Variants in MTHFD1L observed in about 807,000 individuals in gnomAD.
MTHFD1L encodes the protein monofunctional C1-tetrahydrofolate synthase, mitochondrial.
Under a neutral mutation model 119.5 loss-of-function variants are expected in MTHFD1L, and 81 were observed. The ratio of observed to expected loss-of-function variants is 0.68; its 90% CI spans 0.57 to 0.82. The LOEUF (loss-of-function observed/expected upper bound fraction) is 0.82, where lower values mean the gene tolerates loss of function less well. Ranked by LOEUF, MTHFD1L falls within the 40% of genes least tolerant of loss-of-function variation. The pLI is 0.00. For missense variants in MTHFD1L, 1,125 were observed against 1,253.4 expected, an observed-to-expected ratio of 0.90 and a Z score of 1.55; for synonymous variants, 430 against 475.2, an observed-to-expected ratio of 0.90 and a Z score of 1.24.
At chr6:151,015,747 T>A in intron 24 of MTHFD1L, 54 bp downstream of exon 24, 3 of 1,574,020 alleles carry the variant, frequency 1.9e-6, no homozygotes, top group Non-Finnish European at 2.6e-6. Context: ...GCATGGGTTG[T>A]CCCATTCTGT....
At chr6:150,959,781 C>T (rs546776568) in intron 17 of MTHFD1L, among the ~76,000 whole-genome samples, 14 of 152,130 alleles carry the variant, frequency 9.2e-5, no homozygotes, top group Non-Finnish European at 1.0e-4. Flanking sequence ...GGAGGTGGCC[C>T]GTAGGCTAGT....
chr6:151,069,282 C>CTCCCTCCCTCTCT (rs1791700003), intron 26 of MTHFD1L, among the ~76,000 whole-genome samples: 12 of 71,340 alleles, frequency 1.7e-4, no homozygotes, highest in Middle Eastern at 9.6e-3. Context: ...TCTCTCTCTC[C>CTCCCTCCCTCTCT]CTCCCTCTCT....
chr6:150,932,480 G>T (rs1419528386), intron 11 of MTHFD1L, among the ~76,000 whole-genome samples: 2 of 151,962 alleles, frequency 1.3e-5, no homozygotes, highest in Admixed American at 1.3e-4. Flanking sequence ...CATAGAAAAA[G>T]AAATTAGAGG....
At chr6:150,898,388 C>T (rs916816383) in intron 7 of MTHFD1L, among the ~76,000 whole-genome samples, 2 of 152,182 alleles carry the variant, frequency 1.3e-5, no homozygotes, top group East Asian at 3.8e-4. Context: ...CACTGCACCT[C>T]AATTCCTCAC....
At chr6:151,072,906 T>TA (rs1333666419) in intron 26 of MTHFD1L, among the ~76,000 whole-genome samples, 2 of 152,204 alleles carry the variant, frequency 1.3e-5, no homozygotes, top group Non-Finnish European at 2.9e-5. Context: ...AACAGGGTCT[T>TA]ACTTTACCCT....
chr6:151,038,455 C>G (rs546801998), intron 26 of MTHFD1L, among the ~76,000 whole-genome samples: 1 of 152,204 alleles, frequency 6.6e-6, no homozygotes, highest in African/African-American at 2.4e-5. Context: ...ATTGGGATAG[C>G]AGGACAGGGT....
At chr6:150,937,071 A>G in intron 12 of MTHFD1L, 131 bp downstream of exon 12, 1 of 1,133,528 alleles carries the variant, frequency 8.8e-7, no homozygotes. Flanking sequence ...CTGCACACTC[A>G]GTACATAGTG....
intron 26 of MTHFD1L, among the ~76,000 whole-genome samples, chr6:151,065,423 A>C (rs1291494169): frequency 1.3e-5 from 2 of 152,208 alleles, no homozygotes; most frequent in Non-Finnish European, 2.9e-5. Flanking sequence ...TTGTGGCTGC[A>C]AGTAAGAGAA....
chr6:151,082,262 G>C (rs17080741), intron 26 of MTHFD1L, among the ~76,000 whole-genome samples: 1 of 152,026 alleles, frequency 6.6e-6, no homozygotes, highest in East Asian at 1.9e-4. Flanking sequence ...GCATCTTCTT[G>C]GGCTGCACAA....
intron 1 of MTHFD1L, among the ~76,000 whole-genome samples, chr6:150,875,537 A>G (rs1379266747): frequency 6.6e-6 from 1 of 152,044 alleles, no homozygotes; most frequent in Non-Finnish European, 1.5e-5. Context: ...GTGGGTCTCC[A>G]GTGTTTCTGG....
chr6:150,923,537 A>AT (rs1231382945), intron 10 of MTHFD1L, among the ~76,000 whole-genome samples: 2 of 95,208 alleles, frequency 2.1e-5, no homozygotes, highest in Non-Finnish European at 4.0e-5. Flanking sequence ...TTATTTATTT[A>AT]TTTTTTCTTT....
In MTHFD1L at chr6:150,926,029, C is replaced by T; in HGVS notation, c.1083-93C>T. On this transcript the variant is annotated intron_variant, in intron 10 of 27. Transcript: ENST00000367321. This position sits in a 1 kb window ranked among gnomAD's most constrained non-coding sequence, Gnocchi z 4.3. The stretch of plus-strand genomic sequence containing the variant: ...GACCCCAAAGTAATTGCATTGATTT[C>T]ATCGTTGGCGTGATGTGTGGCTGTT... 9.2e-7 allele frequency: 1 copy of T among 1,088,694 alleles called. No homozygotes were observed. Among genetic ancestry groups the T allele is most frequent in the Non-Finnish European group, 1.3e-6 (1 of 762,246 alleles). 67.4% of individuals were successfully genotyped at this position (1,088,694 alleles called of 1,614,324 possible). A position where few individuals can be genotyped will look rare whatever the true frequency, so the allele number is the denominator to read the frequency against.
chr6:150,974,627 A>C (rs1217315673), intron 20 of MTHFD1L, among the ~76,000 whole-genome samples: 1 of 152,030 alleles, frequency 6.6e-6, no homozygotes, highest in Non-Finnish European at 1.5e-5. Flanking sequence ...ATGTGAGTGG[A>C]ATCATGTAGT....
At chr6:151,044,212 C>G (rs1189118742) in intron 26 of MTHFD1L, among the ~76,000 whole-genome samples, 2 of 152,090 alleles carry the variant, frequency 1.3e-5, no homozygotes, top group Non-Finnish European at 2.9e-5. Context: ...GTTTCCTTCC[C>G]TCTGTCTTCC....
intron 4 of MTHFD1L, among the ~76,000 whole-genome samples, chr6:150,880,784 A>C (rs1302771710): frequency 1.3e-5 from 2 of 152,206 alleles, no homozygotes; most frequent in Non-Finnish European, 2.9e-5. Context: ...ATTTTTGATA[A>C]TAGCCATTCT....
chr6:150,887,458 G>A (rs1266004060), intron 6 of MTHFD1L, among the ~76,000 whole-genome samples: 1 of 152,090 alleles, frequency 6.6e-6, no homozygotes, highest in African/African-American at 2.4e-5. Context: ...AGTTTTAAAA[G>A]GGTTTTTTGT....
At chr6:151,068,987 C>G (rs1791633734) in intron 26 of MTHFD1L, among the ~76,000 whole-genome samples, 1 of 152,154 alleles carries the variant, frequency 6.6e-6, no homozygotes, top group Admixed American at 6.6e-5. Flanking sequence ...TGCCCAGTTT[C>G]ATTACATTTT....
intron 27 of MTHFD1L, among the ~76,000 whole-genome samples, chr6:151,098,658 C>T (rs1795091827): frequency 6.6e-6 from 1 of 152,138 alleles, no homozygotes; most frequent in Admixed American, 6.5e-5. Flanking sequence ...TTTTTCTGAG[C>T]ACATTTTGAT....
intron 5 of MTHFD1L, among the ~76,000 whole-genome samples, chr6:150,883,149 C>T (rs1263972043): frequency 6.6e-6 from 1 of 151,972 alleles, no homozygotes; most frequent in African/African-American, 2.4e-5. Flanking sequence ...TTTCCTGCCT[C>T]AGCCTCCTGA....
Sources: allele counts gnomAD v4.1 joint callset (sites outside exome capture counted in the v4.1 genomes callset), GRCh38; gene constraint gnomAD v4.1.1; non-coding constraint Gnocchi (gnomAD v3.1); transcripts MANE v1.5; gene names NCBI Gene and HGNC (gene_info 2026-07-23, HGNC 2026-07-21).